CADPS2: variants seen among roughly 807,000 people sequenced by gnomAD.
CADPS2 encodes calcium-dependent secretion activator 2.
A neutral mutation model predicts 172.5 loss-of-function variants in CADPS2; 93 were observed. The observed-to-expected ratio is 0.54, with a 90% CI of 0.46 to 0.64. CADPS2 has a LOEUF of 0.64. Among genes scored for constraint, CADPS2 ranks in the 30% least tolerant of loss-of-function variants. CADPS2 has a pLI of 0.00. For synonymous variants in CADPS2, 546 were observed against 555.2 expected (o/e 0.98, Z 0.23); for missense variants, 1,420 against 1,565.9 (o/e 0.91, Z 1.57).
intron 1 of CADPS2, among the ~76,000 whole-genome samples, chr7:122,762,248 C>T (rs1320105102): frequency 6.6e-6 from 1 of 151,740 alleles, no homozygotes; most frequent in Non-Finnish European, 1.5e-5. Context: ...ATAAATAAAT[C>T]AGAGAACAAG....
chr7:122,722,561 G>T (rs2090563520), intron 2 of CADPS2, among the ~76,000 whole-genome samples: 1 of 150,574 alleles, frequency 6.6e-6, no homozygotes, highest in Non-Finnish European at 1.5e-5. Context: ...ACAAATGGAA[G>T]AACATTCCAT....
intron 1 of CADPS2, among the ~76,000 whole-genome samples, chr7:122,805,141 A>C (rs184093926): frequency 6.7e-6 from 1 of 149,808 alleles, no homozygotes; most frequent in East Asian, 1.9e-4. Context: ...TAAATGCTGA[A>C]AGCATTTTCA....
rs1039440721 is a variant in CADPS2, at chr7:122,578,093, C to T, written c.1335+3086G>A. The stretch of plus-strand genomic sequence containing the variant: ...ATATATATATGTGTATATATATACA[C>T]ATATATATACACAAAAGTATATATA... On this transcript the variant is annotated intron_variant, in intron 7 of 29. Coordinates refer to ENST00000449022, the MANE Select transcript of CADPS2 (RefSeq NM_017954.11). Among the ~76,000 whole-genome samples, 3 of 149,660 alleles carry T rather than the reference C, an allele frequency of 2.0e-5. No homozygotes were observed. The Admixed American group carries it at 2.0e-4, about 10-fold the overall frequency.
intron 1 of CADPS2, among the ~76,000 whole-genome samples, chr7:122,755,019 A>C (rs2138527890): frequency 6.6e-6 from 1 of 152,224 alleles, no homozygotes; most frequent in Non-Finnish European, 1.5e-5. Flanking sequence ...AATAGATTTA[A>C]TTTTTACAAA....
intron 1 of CADPS2, chr7:122,850,289 C>T (rs1813196773): frequency 3.2e-6 from 2 of 622,674 alleles, no homozygotes; most frequent in East Asian, 7.2e-5. Flanking sequence ...CAGCAGCCTC[C>T]TTTCAGGGGA....
chr7:122,607,585 C>T (rs934104521), intron 6 of CADPS2, among the ~76,000 whole-genome samples: 5 of 152,144 alleles, frequency 3.3e-5, no homozygotes, highest in African/African-American at 1.2e-4. Context: ...TTTTCTCATG[C>T]TGTTTTTCAC....
intron 6 of CADPS2, among the ~76,000 whole-genome samples, chr7:122,591,847 C>T (rs568100350): frequency 6.6e-6 from 1 of 152,056 alleles, no homozygotes; most frequent in South Asian, 2.1e-4. Context: ...CAAGATGGAT[C>T]AAAGACTCAA....
intron 1 of CADPS2, among the ~76,000 whole-genome samples, chr7:122,844,128 C>G (rs970632368): frequency 3.9e-5 from 6 of 152,168 alleles, no homozygotes; most frequent in Admixed American, 6.5e-5. Flanking sequence ...CTCACACGGC[C>G]CCACTAGGGA....
chr7:122,633,435 T>G (rs1587993586), intron 3 of CADPS2, among the ~76,000 whole-genome samples: 1 of 152,064 alleles, frequency 6.6e-6, no homozygotes. Flanking sequence ...TATTCCTGGG[T>G]TTTTTGTTTG....
At chr7:122,643,598 T>C (rs1412886835) in intron 3 of CADPS2, among the ~76,000 whole-genome samples, 2 of 152,196 alleles carry the variant, frequency 1.3e-5, no homozygotes, top group Non-Finnish European at 2.9e-5. Flanking sequence ...ACTGATTTTA[T>C]CACCCATTCC....
At chr7:122,621,381 A>G (rs2075593074) in intron 5 of CADPS2, 100 bp downstream of exon 5, 2 of 779,872 alleles carry the variant, frequency 2.6e-6, no homozygotes, top group East Asian at 4.9e-5. Flanking sequence ...AACATATATT[A>G]CACTGTTTTA....
At chr7:122,789,069 T>C (rs1055968143) in intron 1 of CADPS2, among the ~76,000 whole-genome samples, 4 of 152,128 alleles carry the variant, frequency 2.6e-5, no homozygotes, top group Non-Finnish European at 5.9e-5. Context: ...TCCTCAGTGA[T>C]GGGTGGCAGA....
intron 1 of CADPS2, among the ~76,000 whole-genome samples, chr7:122,835,982 T>G (rs1808289869): frequency 6.6e-6 from 1 of 152,030 alleles, no homozygotes. Flanking sequence ...AATTGTCAGA[T>G]TCACCAAAGT....
At position 122,860,335 on chromosome 7, in the gene CADPS2, A is replaced by C. The variant is rs865926937; in HGVS notation, c.339+25664T>G. ...ATTCCAACTTCCGGTTCAAGTGATC[A>C]CCTACCTCGGTTTTCCAATTAGCTG... On this transcript the variant is annotated intron_variant, in intron 1 of 29. Transcript: ENST00000449022. Among the ~76,000 whole-genome samples, 3 of 152,016 alleles carry C rather than the reference A, an allele frequency of 2.0e-5. No individual in the cohort carries two copies. The South Asian group carries it at 6.2e-4, about 32-fold the overall frequency.
chr7:122,693,766 G>T (rs1229020870), intron 2 of CADPS2, among the ~76,000 whole-genome samples: 3 of 151,980 alleles, frequency 2.0e-5, no homozygotes, highest in East Asian at 1.9e-4. Flanking sequence ...GACCAGCCTG[G>T]GCAACATGGC....
chr7:122,686,060 G>C (rs1406681798), intron 2 of CADPS2, among the ~76,000 whole-genome samples: 2 of 152,134 alleles, frequency 1.3e-5, no homozygotes, highest in Non-Finnish European at 2.9e-5. Flanking sequence ...TTCACCTGTG[G>C]TCCACTTTTT....
intron 7 of CADPS2, among the ~76,000 whole-genome samples, chr7:122,566,989 C>T (rs924379942): frequency 1.3e-5 from 2 of 152,144 alleles, no homozygotes; most frequent in African/African-American, 4.8e-5. Context: ...GTAGATGCCA[C>T]TATGAACTGG....
At chr7:122,645,658 G>GAGATAT (rs1554688605) in intron 3 of CADPS2, among the ~76,000 whole-genome samples, 2 of 106,656 alleles carry the variant, frequency 1.9e-5, no homozygotes, top group East Asian at 6.3e-4. Flanking sequence ...ATATCTCTAA[G>GAGATAT]ATATATATAT....
intron 1 of CADPS2, among the ~76,000 whole-genome samples, chr7:122,797,194 A>G (rs1424641673): frequency 1.3e-5 from 2 of 152,168 alleles, no homozygotes; most frequent in African/African-American, 4.8e-5. Context: ...TTAAAAAGTC[A>G]AATAACAGAT....
Sources: gnomAD v4.1 joint callset for allele counts (sites outside exome capture counted in the v4.1 genomes callset) on GRCh38, gnomAD v4.1.1 for gene constraint, MANE v1.5 for transcripts, NCBI Gene and HGNC (gene_info 2026-07-23, HGNC 2026-07-21) for gene names.